FBXO11: variants seen among roughly 807,000 people sequenced by gnomAD.
FBXO11 encodes F-box only protein 11.
Under a neutral mutation model 117.0 loss-of-function variants are expected in FBXO11, and 13 were observed. That is an observed-to-expected ratio of 0.11 (90% CI 0.07 to 0.18). The LOEUF (loss-of-function observed/expected upper bound fraction) is 0.18, where lower values mean the gene tolerates loss of function less well. FBXO11 is among the 10% of genes least tolerant of loss of function. FBXO11 has a pLI of 1.00. For synonymous variants in FBXO11, 490 were observed against 380.5 expected, an observed-to-expected ratio of 1.29 and a Z score of -3.35; for missense variants, 767 against 1,164.4, an observed-to-expected ratio of 0.66 and a Z score of 4.97.
In FBXO11 at chr2:47,895,308, A is replaced by G. The variant is rs545246598; in HGVS notation, c.232+10181T>C. ...GTATATTCATACAATGTAATACTAA[A>G]CAGCAACAAGAATGAACAATGAAAA... On this transcript the variant is annotated intron_variant, in intron 1 of 22. Coordinates refer to ENST00000403359, the MANE Select transcript of FBXO11 (RefSeq NM_001190274.2). 1.4e-4 allele frequency among the ~76,000 whole-genome samples: 21 copies of G among 152,380 alleles called. No individual in the cohort carries two copies. The South Asian group carries it at 4.3e-3, about 32-fold the overall frequency.
intron 1 of FBXO11, chr2:47,884,019 G>A (rs746124749): frequency 9.2e-5 from 14 of 152,350 alleles, no homozygotes; most frequent in Non-Finnish European, 1.3e-4. Context: ...GTCAGGAGTT[G>A]GACCAGCCTG....
chr2:47,812,375 A>G (rs562376229), intron 18 of FBXO11, among the ~76,000 whole-genome samples: 17 of 152,200 alleles, frequency 1.1e-4, no homozygotes, highest in Non-Finnish European at 2.1e-4. Context: ...TTGCCAGTAA[A>G]TATCTACTCA....
intron 11 of FBXO11, among the ~76,000 whole-genome samples, chr2:47,827,325 T>C (rs1671831020): frequency 6.6e-6 from 1 of 152,164 alleles, no homozygotes; most frequent in African/African-American, 2.4e-5. Context: ...TTGTTTTTGT[T>C]TTTGAGACAG....
intron 11 of FBXO11, among the ~76,000 whole-genome samples, chr2:47,832,005 T>C (rs1248030023): frequency 6.6e-6 from 1 of 152,160 alleles, no homozygotes; most frequent in East Asian, 1.9e-4. Flanking sequence ...CCTTGGAAAT[T>C]TTGATTTATT....
At chr2:47,898,990 G>C (rs1677887917) in intron 1 of FBXO11, among the ~76,000 whole-genome samples, 1 of 151,940 alleles carries the variant, frequency 6.6e-6, no homozygotes, top group Non-Finnish European at 1.5e-5. Flanking sequence ...ATTGGTATAA[G>C]GGGGCCAGGC....
intron 21 of FBXO11, 117 bp downstream of exon 21, chr2:47,809,041 A>C (rs1334625992): frequency 1.6e-6 from 1 of 612,626 alleles, no homozygotes; most frequent in South Asian, 2.1e-5. Flanking sequence ...TTGATGATAA[A>C]ATTTTCAGTT....
intron 1 of FBXO11, among the ~76,000 whole-genome samples, chr2:47,841,919 G>A (rs113085047): frequency 0.014 from 2,121 of 151,974 alleles, 57 homozygotes; most frequent in African/African-American, 0.047. Flanking sequence ...GATTACAGGC[G>A]TGAGCCACTG....
At chr2:47,818,540 T>C (rs998467206) in intron 16 of FBXO11, 7 of 392,054 alleles carry the variant, frequency 1.8e-5, no homozygotes, top group African/African-American at 1.0e-4. Context: ...GTGACTCTCA[T>C]AGTGGAAAGC....
intron 1 of FBXO11, among the ~76,000 whole-genome samples, chr2:47,895,844 C>T (rs1008233174): frequency 1.3e-5 from 2 of 152,094 alleles, no homozygotes; most frequent in Non-Finnish European, 2.9e-5. Context: ...AGGCATCTGC[C>T]ACCATACCCA....
chr2:47,809,768 A>AC lies in FBXO11; in HGVS notation c.2339-62_2339-61insG. ...TTTATACTGCTTCTTAAAAACCTGAAATTAGCAAGCAAATGTAAACTGCTT... is the reference window on the plus strand; with the variant it reads ...TTTATACTGCTTCTTAAAAACCTGAACATTAGCAAGCAAATGTAAACTGCTT... On this transcript the variant is annotated intron_variant, in intron 19 of 22. Transcript: ENST00000403359. 3 of 1,077,532 alleles carry AC rather than the reference A, an allele frequency of 2.8e-6. No individual in the cohort carries two copies. The South Asian group carries it at 3.9e-5, about 14-fold the overall frequency. The allele number at this position is 1,077,532 out of a possible 1,614,324, so 66.7% of individuals were successfully genotyped here. A position where few individuals can be genotyped will look rare whatever the true frequency, so the allele number is the denominator to read the frequency against.
intron 1 of FBXO11, among the ~76,000 whole-genome samples, chr2:47,869,253 A>G (rs899858553): frequency 6.6e-6 from 1 of 152,188 alleles, no homozygotes; most frequent in South Asian, 2.1e-4. Flanking sequence ...TGCTGGCCTA[A>G]AAGTTTTAGT....
chr2:47,810,758 A>G (rs983008987), intron 18 of FBXO11: 1 of 182,900 alleles, frequency 5.5e-6, no homozygotes, highest in Non-Finnish European at 1.1e-5. Flanking sequence ...AATTCCTTTG[A>G]AATATTTCTA....
At chr2:47,852,604 CACT>C (rs1473427135) in intron 1 of FBXO11, among the ~76,000 whole-genome samples, 1 of 152,102 alleles carries the variant, frequency 6.6e-6, no homozygotes, top group African/African-American at 2.4e-5. Context: ...TTTTACTTTT[CACT>C]ACTAAGTAAT....
At chr2:47,815,832 A>C (rs1423533746) in intron 16 of FBXO11, among the ~76,000 whole-genome samples, 2 of 152,208 alleles carry the variant, frequency 1.3e-5, no homozygotes, top group African/African-American at 2.4e-5. Flanking sequence ...CCAGAAGCTC[A>C]CAATATCTGA....
chr2:47,828,028 C>CACCCTG (rs1353790723), intron 11 of FBXO11, among the ~76,000 whole-genome samples: 1 of 152,126 alleles, frequency 6.6e-6, no homozygotes, highest in Non-Finnish European at 1.5e-5. Flanking sequence ...ATCTCCCTGT[C>CACCCTG]ACCCAAGCTG....
chr2:47,832,787 T>A lies in FBXO11; in HGVS notation c.1135A>T (p.Ile379Phe). 1 of 1,613,140 alleles carries A rather than the reference T, an allele frequency of 6.2e-7. No individual in the cohort carries two copies. Among genetic ancestry groups the A allele is most frequent in the Non-Finnish European group, 8.5e-7 (1 of 1,179,098 alleles). ...CACTAACCTGTACATGTACTTCGGA[T>A]GATACAGTGATCAATAATAGGGCTA... ...NCSPIIDHCIIRSTCTVGSAV... is the reference protein window; with the variant it reads ...NCSPIIDHCIFRSTCTVGSAV... Residue 379 changes from isoleucine (I) to phenylalanine (F), a missense_variant, in exon 9 of 23, where the codon ATC becomes TTC. By Grantham distance (21) the Ile-to-Phe change is conservative. Coordinates refer to ENST00000403359, the MANE Select transcript of FBXO11 (RefSeq NM_001190274.2).
Position 47,822,391 on chromosome 2 carries a change from A to G in FBXO11, c.1617-88T>C, listed in dbSNP as rs1224986444. 11 of 755,288 alleles carry G rather than the reference A, an allele frequency of 1.5e-5. 1 individual carries two copies. The African/African-American group carries it at 1.7e-4, about 11-fold the overall frequency. 46.8% of individuals were successfully genotyped at this position (755,288 alleles called of 1,614,324 possible). On this transcript the variant is annotated intron_variant, in intron 12 of 22. Coordinates refer to ENST00000403359, the MANE Select transcript of FBXO11 (RefSeq NM_001190274.2). Reference sequence around the variant, plus strand: ...CAACGGTAAGGCCCCTCATGGTCATATAACAAATTACATAAACTTCTAAGG... The same window carrying G: ...CAACGGTAAGGCCCCTCATGGTCATGTAACAAATTACATAAACTTCTAAGG...
In FBXO11 at chr2:47,839,754, G is replaced by A. The variant is rs753732511; in HGVS notation, c.248C>T (p.Ala83Val). The stretch of plus-strand genomic sequence containing the variant: ...ACCTGATTCTTCTGCAACCATATCT[G>A]CAGGCACATCATCATCTGTTATAAA... The part of the protein sequence containing the change: ...NVGERDDDVP[A>V]DMVAEESGPG... The change falls in exon 2 of 23, where the codon GCA becomes GTA. Residue 83 changes from alanine to valine, a missense_variant. Physicochemically the swap from Ala to Val is moderately conservative, Grantham distance 64. Around this residue, in one of 10 missense-constraint regions of FBXO11, gnomAD observed 355 missense variants for 299.8 expected, o/e 1.18. Transcript: ENST00000403359. The A allele has an allele frequency of 6.2e-7, 1 of 1,613,112 alleles. No individual in the cohort carries two copies. Among genetic ancestry groups the A allele is most frequent in the Non-Finnish European group, 8.5e-7 (1 of 1,179,762 alleles).
intron 1 of FBXO11, among the ~76,000 whole-genome samples, chr2:47,840,136 G>C (rs1028508435): frequency 4.6e-5 from 7 of 151,976 alleles, no homozygotes; most frequent in African/African-American, 1.7e-4. Flanking sequence ...GTAAAGATGG[G>C]GTTTCATCGT....
Sources: allele counts gnomAD v4.1 joint callset (sites outside exome capture counted in the v4.1 genomes callset), GRCh38; gene constraint gnomAD v4.1.1; regional missense constraint gnomAD v4.1.1; transcripts MANE v1.5; gene names NCBI Gene and HGNC (gene_info 2026-07-23, HGNC 2026-07-21).